Variants in PPP1CB observed in about 807,000 individuals in gnomAD.
PPP1CB encodes serine/threonine-protein phosphatase PP1-beta catalytic subunit.
PPP1CB carries 2 observed loss-of-function variants against 43.7 expected under a neutral mutation model. That is an observed-to-expected ratio of 0.05 (90% CI 0.02 to 0.14). The LOEUF is 0.14. PPP1CB is among the 10% of genes least tolerant of loss of function. The probability of loss-of-function intolerance (pLI) is 1.00; values close to 1 mark genes in which losing one functional copy is unlikely to be tolerated. For missense variants in PPP1CB, 84 were observed against 398.0 expected (o/e 0.21, Z 6.71); for synonymous variants, 136 against 135.6 (o/e 1.00, Z -0.02).
intron 6 of PPP1CB, 83 bp downstream of exon 6, chr2:28,788,892 C>G: frequency 2.2e-6 from 3 of 1,355,798 alleles, no homozygotes; most frequent in Non-Finnish European, 2.9e-6. Flanking sequence ...GATTCTTGTT[C>G]TGTCACCCAG....
chr2:28,767,359 G>C (rs527813330), intron 1 of PPP1CB, among the ~76,000 whole-genome samples: 1 of 151,772 alleles, frequency 6.6e-6, no homozygotes, highest in Non-Finnish European at 1.5e-5. Context: ...TATATGTTGT[G>C]GTTTTTTTTT....
In PPP1CB at chr2:28,801,844, TG is replaced by T. The variant is rs1193991059; in HGVS notation, c.*2542del. The T allele has an allele frequency of 3.9e-5, 6 of 152,212 alleles. No individual in the cohort carries two copies. Among genetic ancestry groups the T allele is most frequent in the Non-Finnish European group, 8.8e-5 (6 of 68,020 alleles). 9.4% of individuals were successfully genotyped at this position (152,212 alleles called of 1,614,324 possible). ...CAAAGTTATGGTCGATTTCTATTCT[TG>T]AAAGAATCAACTACAGTGAATCCTT... On this transcript the variant is annotated 3_prime_UTR_variant, in exon 8 of 8. Transcript: ENST00000395366.
chr2:28,751,992 A>G lies in PPP1CB; in HGVS notation c.-133A>G. 2.4e-6 allele frequency: 2 copies of G among 826,862 alleles called. No homozygotes were observed. Among genetic ancestry groups the G allele is most frequent in the African/African-American group, 1.8e-5 (1 of 56,420 alleles). The allele number at this position is 826,862 out of a possible 1,614,324, so 51.2% of individuals were successfully genotyped here. On this transcript the variant is annotated 5_prime_UTR_variant, in exon 1 of 8. Transcript: ENST00000395366. ...GGAGGGGGTGGGGGGAGGGCCCGGG[A>G]AAAGGGGGAGTTGGAGCCGGGGTCG...
intron 7 of PPP1CB, among the ~76,000 whole-genome samples, chr2:28,797,576 A>C (rs1227076323): frequency 6.6e-6 from 1 of 151,982 alleles, no homozygotes; most frequent in African/African-American, 2.4e-5. Context: ...TTGGGAGCGC[A>C]TGTGTGTTTT....
intron 1 of PPP1CB, among the ~76,000 whole-genome samples, chr2:28,762,861 G>C (rs1666688108): frequency 6.6e-6 from 1 of 152,220 alleles, no homozygotes; most frequent in African/African-American, 2.4e-5. Context: ...CTCATCAGAA[G>C]AGTCCTTAAT....
chr2:28,752,266 C>T, intron 1 of PPP1CB, 90 bp downstream of exon 1: 6 of 1,194,582 alleles, frequency 5.0e-6, no homozygotes, highest in Non-Finnish European at 5.8e-6. Context: ...GCGAGGGGAC[C>T]CCTTTCCCGC....
intron 1 of PPP1CB, among the ~76,000 whole-genome samples, chr2:28,773,516 T>G (rs1666959174): frequency 6.6e-6 from 1 of 152,206 alleles, no homozygotes; most frequent in Non-Finnish European, 1.5e-5. Context: ...ATGAAATGAT[T>G]GATGTGAAGG....
chr2:28,753,358 T>C (rs1666388707), intron 1 of PPP1CB, among the ~76,000 whole-genome samples: 1 of 152,224 alleles, frequency 6.6e-6, no homozygotes, highest in African/African-American at 2.4e-5. Flanking sequence ...AATTCCTTTT[T>C]CTCAAAGTAT....
At position 28,794,504 on chromosome 2, in the gene PPP1CB, C is replaced by T. The variant is rs571517872; in HGVS notation, c.879+507C>T. On this transcript the variant is annotated intron_variant, in intron 7 of 7. Transcript: ENST00000395366. The stretch of plus-strand genomic sequence containing the variant: ...AGGTGATCAAGACCGTCCTGGCTAA[C>T]ACTGTGAAACCCCATCTCTACTAAA... Among the ~76,000 whole-genome samples, 7 of 152,220 alleles carry T rather than the reference C, an allele frequency of 4.6e-5. No individual in the cohort carries two copies. The South Asian group carries it at 1.5e-3, about 32-fold the overall frequency.
chr2:28,753,649 G>C (rs1666403016), intron 1 of PPP1CB, among the ~76,000 whole-genome samples: 1 of 150,906 alleles, frequency 6.6e-6, no homozygotes, highest in South Asian at 2.1e-4. Flanking sequence ...TTTTGTAACT[G>C]TTTTATGAGG....
intron 1 of PPP1CB, among the ~76,000 whole-genome samples, chr2:28,773,292 A>C (rs1406587307): frequency 1.3e-5 from 2 of 152,152 alleles, no homozygotes; most frequent in African/African-American, 4.8e-5. Flanking sequence ...AATTTCTAGG[A>C]AATTTTTGAT....
At chr2:28,758,672 G>A (rs183959567) in intron 1 of PPP1CB, among the ~76,000 whole-genome samples, 1 of 152,322 alleles carries the variant, frequency 6.6e-6, no homozygotes, top group East Asian at 1.9e-4. Context: ...GTAGGAAAAA[G>A]GGCGGGGGCA....
rs1391144481 is a variant in PPP1CB at position 28,781,404 on chromosome 2, C to T, written c.416-334C>T. ...TTACAAAGATACAATATAGTGTTAA[C>T]TGTAGTCACTGTTATACAATCGATC... On this transcript the variant is annotated intron_variant, in intron 3 of 7. Coordinates refer to ENST00000395366, the MANE Select transcript of PPP1CB (RefSeq NM_002709.3). 2.0e-5 allele frequency among the ~76,000 whole-genome samples: 3 copies of T among 152,174 alleles called. No homozygotes were observed. The East Asian group carries it at 5.8e-4, about 29-fold the overall frequency.
At chr2:28,784,093 A>G (rs1206564380) in intron 5 of PPP1CB, 115 bp downstream of exon 5, 8 of 709,618 alleles carry the variant, frequency 1.1e-5, no homozygotes, top group Non-Finnish European at 1.2e-5. Flanking sequence ...CTTTTTTCAT[A>G]GTCAATAAGC....
In PPP1CB at chr2:28,758,048, AT is replaced by A. The variant is rs113722278; in HGVS notation, c.52+5886del. Among the ~76,000 whole-genome samples, 647 of 143,248 alleles carry A rather than the reference AT, an allele frequency of 4.5e-3. 1 individual carries two copies. The highest frequency in any genetic ancestry group is 0.016 in the South Asian group (70 of 4,476). The allele number at this position is 143,248 out of a possible 152,430, so 94.0% of individuals were successfully genotyped here. A position where few individuals can be genotyped will look rare whatever the true frequency, so the allele number is the denominator to read the frequency against. ...ATGCATTTTTAATTTTTTTTAATTA[AT>A]TTTTTTTTTTTTTGGAGGCAGGGTC... On this transcript the variant is annotated intron_variant, in intron 1 of 7. Transcript: ENST00000395366.
chr2:28,770,444 A>G (rs1424856119), intron 1 of PPP1CB, among the ~76,000 whole-genome samples: 1 of 149,920 alleles, frequency 6.7e-6, no homozygotes, highest in East Asian at 2.0e-4. Context: ...ATGAAAGCTG[A>G]CTTGGCTATA....
rs1667581234 is a variant in PPP1CB at position 28,800,215 on chromosome 2, CTTTTTTCTTTCT to C, written c.*919_*930del. ...CTTCACCTGCATTGGTTTTCTTTTT[CTTTTTTCTTTCT>C]TTTTTTTTTTTTTTTTTTTTTTGAG... On this transcript the variant is annotated 3_prime_UTR_variant, in exon 8 of 8. Coordinates refer to ENST00000395366, the MANE Select transcript of PPP1CB (RefSeq NM_002709.3). 1 of 94,418 alleles carries C rather than the reference CTTTTTTCTTTCT, an allele frequency of 1.1e-5. No individual in the cohort carries two copies. The highest frequency in any genetic ancestry group is 2.2e-5 in the Non-Finnish European group (1 of 44,934). The allele number at this position is 94,418 out of a possible 1,614,324, so 5.8% of individuals were successfully genotyped here.
chr2:28,791,250 A>G (rs1667377809), intron 6 of PPP1CB, among the ~76,000 whole-genome samples: 1 of 151,972 alleles, frequency 6.6e-6, no homozygotes, highest in Admixed American at 6.6e-5. Context: ...ACTTTTATTT[A>G]GCAGGATTTC....
chr2:28,756,794 G>A (rs1666498819), intron 1 of PPP1CB, among the ~76,000 whole-genome samples: 1 of 82,600 alleles, frequency 1.2e-5, no homozygotes. Context: ...AGCCTGTAGT[G>A]TCCTTTTGAA....
Sources: gnomAD v4.1 joint callset for allele counts (sites outside exome capture counted in the v4.1 genomes callset) on GRCh38, gnomAD v4.1.1 for gene constraint, MANE v1.5 for transcripts, NCBI Gene and HGNC (gene_info 2026-07-23, HGNC 2026-07-21) for gene names.